Variants in DTNB observed in about 807,000 individuals in gnomAD.
DTNB encodes DTN-B.
In DTNB, 63 loss-of-function variants were observed where a neutral mutation model predicts 90.7. The ratio of observed to expected loss-of-function variants is 0.69; its 90% CI spans 0.57 to 0.86. The LOEUF (loss-of-function observed/expected upper bound fraction) is 0.86, where lower values mean the gene tolerates loss of function less well. Ranked by LOEUF, DTNB falls within the 40% of genes least tolerant of loss-of-function variation. DTNB has a pLI of 0.00. For missense variants in DTNB, 744 were observed against 807.1 expected (o/e 0.92, Z 0.95); for synonymous variants, 277 against 286.7 (o/e 0.97, Z 0.34).
chr2:25,538,950 T>C (rs1461410449), intron 8 of DTNB, among the ~76,000 whole-genome samples: 1 of 152,236 alleles, frequency 6.6e-6, no homozygotes, highest in African/African-American at 2.4e-5. Context: ...TTTATTATTT[T>C]AGCAATTATG....
intron 5 of DTNB, among the ~76,000 whole-genome samples, chr2:25,600,026 A>G (rs1436699451): frequency 6.6e-6 from 1 of 152,188 alleles, no homozygotes. Context: ...TGAGTGCAGA[A>G]GTTGGGGGCT....
intron 4 of DTNB, among the ~76,000 whole-genome samples, chr2:25,625,426 T>C (rs762909259): frequency 2.0e-5 from 3 of 152,114 alleles, no homozygotes; most frequent in Non-Finnish European, 2.9e-5. Context: ...TATATAAAGG[T>C]ATCAAAGTTA....
intron 7 of DTNB, 140 bp from the exon 8 acceptor site, chr2:25,577,144 TA>T: frequency 1.9e-6 from 2 of 1,072,320 alleles, no homozygotes; most frequent in Admixed American, 3.2e-5. Context: ...AAGGTAAAAA[TA>T]AAAGTAGAGC....
At position 25,433,175 on chromosome 2, in the gene DTNB, T is replaced by G. The variant is rs370379434; in HGVS notation, c.1344-176A>C. ...TTCTCAATACTGCTTCACCTGACAT[T>G]TCCTCAACAAAGCAATCCTTTGTGG... is the stretch of plus-strand genomic sequence containing the variant. On this transcript the variant is annotated intron_variant, in intron 13 of 20. Coordinates refer to ENST00000406818, the MANE Select transcript of DTNB (RefSeq NM_021907.5). Among the ~76,000 whole-genome samples, 528 of 152,322 alleles carry G rather than the reference T, an allele frequency of 3.5e-3. 3 individuals carry two copies. Among genetic ancestry groups the G allele is most frequent in the African/African-American group, 0.012 (493 of 41,556 alleles).
At chr2:25,482,490 TA>T (rs1334256803) in intron 10 of DTNB, among the ~76,000 whole-genome samples, 1 of 152,008 alleles carries the variant, frequency 6.6e-6, no homozygotes, top group Non-Finnish European at 1.5e-5. Flanking sequence ...TGTTTAAGGT[TA>T]AAAAAACGGA....
At chr2:25,508,627 C>G (rs766438664) in intron 9 of DTNB, among the ~76,000 whole-genome samples, 3 of 151,600 alleles carry the variant, frequency 2.0e-5, no homozygotes, top group South Asian at 4.2e-4. Context: ...CTCCGCCTCC[C>G]GGGTTCAAGC....
At chr2:25,619,780 G>C (rs1273644855) in intron 4 of DTNB, among the ~76,000 whole-genome samples, 12 of 152,182 alleles carry the variant, frequency 7.9e-5, no homozygotes, top group African/African-American at 2.9e-4. Context: ...AGTGGCTCAA[G>C]CCTGTAATCC....
At chr2:25,550,457 A>G (rs1011518393) in intron 8 of DTNB, among the ~76,000 whole-genome samples, 1 of 152,216 alleles carries the variant, frequency 6.6e-6, no homozygotes, top group African/African-American at 2.4e-5. Flanking sequence ...TCTTAAAACC[A>G]GTGATGACAT....
intron 4 of DTNB, among the ~76,000 whole-genome samples, chr2:25,613,737 A>G (rs890069143): frequency 1.3e-5 from 2 of 152,068 alleles, no homozygotes; most frequent in African/African-American, 2.4e-5. Flanking sequence ...AGGTGGGCGG[A>G]TCATGAGGTC....
chr2:25,520,043 A>G (rs995583894), intron 9 of DTNB, among the ~76,000 whole-genome samples: 3 of 152,218 alleles, frequency 2.0e-5, no homozygotes, highest in African/African-American at 7.2e-5. Flanking sequence ...ATTGGAGAAT[A>G]CAATAAAACC....
At chr2:25,523,516 T>A (rs1202354708) in intron 9 of DTNB, among the ~76,000 whole-genome samples, 1 of 151,856 alleles carries the variant, frequency 6.6e-6, no homozygotes, top group African/African-American at 2.4e-5. Flanking sequence ...TGGCACGCAC[T>A]TGTAGTCCTA....
intron 4 of DTNB, among the ~76,000 whole-genome samples, chr2:25,620,156 C>A (rs993403684): frequency 1.3e-5 from 2 of 152,078 alleles, no homozygotes; most frequent in African/African-American, 4.8e-5. Flanking sequence ...GGGAACAAAA[C>A]GCATGGCATC....
intron 6 of DTNB, among the ~76,000 whole-genome samples, chr2:25,595,420 T>A (rs1390223095): frequency 6.6e-6 from 1 of 152,252 alleles, no homozygotes; most frequent in Non-Finnish European, 1.5e-5. Flanking sequence ...CAGAACTTTC[T>A]AGGTAAGTTT....
intron 16 of DTNB, among the ~76,000 whole-genome samples, chr2:25,414,531 G>C (rs538087975): frequency 1.4e-4 from 22 of 152,314 alleles, no homozygotes; most frequent in African/African-American, 5.1e-4. Context: ...TGGGATTACA[G>C]GCATGAGCCA....
At chr2:25,423,066 T>C (rs955107352) in intron 15 of DTNB, among the ~76,000 whole-genome samples, 3 of 152,092 alleles carry the variant, frequency 2.0e-5, no homozygotes, top group Non-Finnish European at 2.9e-5. Flanking sequence ...GGCGGGTGCC[T>C]GTAATCCCAA....
intron 10 of DTNB, among the ~76,000 whole-genome samples, chr2:25,460,066 A>G (rs1260885228): frequency 1.3e-5 from 2 of 152,238 alleles, no homozygotes; most frequent in Admixed American, 1.3e-4. Context: ...CTAGGAAAAC[A>G]GCATTTAACA....
At chr2:25,668,767 T>C (rs1484152059) in intron 1 of DTNB, among the ~76,000 whole-genome samples, 2 of 152,220 alleles carry the variant, frequency 1.3e-5, no homozygotes, top group African/African-American at 4.8e-5. Flanking sequence ...TTACTGACAA[T>C]TGCACTTGAG....
chr2:25,468,720 C>T (rs1027407644), intron 10 of DTNB, among the ~76,000 whole-genome samples: 12 of 152,282 alleles, frequency 7.9e-5, no homozygotes, highest in African/African-American at 2.9e-4. Context: ...CTTCTGTCTT[C>T]GGGGCTCATG....
At chr2:25,490,992 C>T (rs948663840) in intron 9 of DTNB, among the ~76,000 whole-genome samples, 3 of 151,924 alleles carry the variant, frequency 2.0e-5, no homozygotes, top group Non-Finnish European at 4.4e-5. Flanking sequence ...CTTTCCAACA[C>T]TTCTCCAACC....
Sources: allele counts gnomAD v4.1 joint callset (sites outside exome capture counted in the v4.1 genomes callset), GRCh38; gene constraint gnomAD v4.1.1; transcripts MANE v1.5; gene names NCBI Gene and HGNC (gene_info 2026-07-23, HGNC 2026-07-21).